The following FBXO36 variants were observed in gnomAD, a reference collection of about 807,000 sequenced individuals.
FBXO36 encodes F-box only protein 36.
In FBXO36, 18 loss-of-function variants were observed where a neutral mutation model predicts 17.0. The observed-to-expected ratio is 1.06, with a 90% CI of 0.73 to 1.57. The LOEUF is 1.57. FBXO36 is among the 40% of genes most tolerant of loss of function. The probability of loss-of-function intolerance (pLI) is 0.00; values close to 1 mark genes in which losing one functional copy is unlikely to be tolerated. For synonymous variants in FBXO36, 83 were observed against 85.3 expected (o/e 0.97, Z 0.15); for missense variants, 229 against 221.9 (o/e 1.03, Z -0.20).
At chr2:229,977,763 A>T (rs1294658883) in intron 2 of FBXO36, among the ~76,000 whole-genome samples, 4 of 152,008 alleles carry the variant, frequency 2.6e-5, no homozygotes, top group African/African-American at 9.7e-5. Flanking sequence ...ATGGTTTTTA[A>T]CTAACTCCCA....
At chr2:229,987,008 C>T (rs552779749) in intron 2 of FBXO36, among the ~76,000 whole-genome samples, 1 of 151,628 alleles carries the variant, frequency 6.6e-6, no homozygotes. Context: ...CATTTGAGGT[C>T]AGGAGTTCAA....
intron 1 of FBXO36, chr2:229,944,961 G>T (rs1252631634): frequency 6.6e-6 from 1 of 152,112 alleles, no homozygotes; most frequent in Admixed American, 6.6e-5. Flanking sequence ...TAAACTTTAA[G>T]GATTTAGGGA....
chr2:229,999,660 G>A (rs2077347896), intron 3 of FBXO36, among the ~76,000 whole-genome samples: 1 of 151,646 alleles, frequency 6.6e-6, no homozygotes, highest in Non-Finnish European at 1.5e-5. Flanking sequence ...TTACAGGTGT[G>A]AGCCACCTTC....
intron 1 of FBXO36, among the ~76,000 whole-genome samples, chr2:229,972,094 A>T (rs1039667076): frequency 6.6e-6 from 1 of 151,148 alleles, no homozygotes; most frequent in Non-Finnish European, 1.5e-5. Flanking sequence ...CCTGGGTTCA[A>T]GTGATTCTCC....
chr2:229,996,794 C>T lies in FBXO36; in HGVS notation c.249C>T (p.Val83=), dbSNP rs1316576174. 3 of 1,613,316 alleles carry T rather than the reference C, an allele frequency of 1.9e-6. No homozygotes were observed. Among genetic ancestry groups the T allele is most frequent in the South Asian group, 1.1e-5 (1 of 90,910 alleles). Residue 83 remains valine, a synonymous_variant, in exon 3 of 4, where the codon GTC becomes GTT. Transcript: ENST00000283946. ...LIFGARILDY[V]INLCKGKFDF... Reference sequence around the variant, plus strand: ...TTGGTGCAAGAATATTAGACTATGTCATCAATTTGTGCAAAGGTAAATTTG... The same window carrying T: ...TTGGTGCAAGAATATTAGACTATGTTATCAATTTGTGCAAAGGTAAATTTG...
At chr2:229,976,401 G>T in intron 2 of FBXO36, 52 bp downstream of exon 2, 1 of 1,240,040 alleles carries the variant, frequency 8.1e-7, no homozygotes, top group Non-Finnish European at 1.2e-6. Context: ...TTAGTTAGTG[G>T]TAGATTTTGT....
At chr2:229,968,493 G>A (rs1379078734) in intron 1 of FBXO36, among the ~76,000 whole-genome samples, 2 of 151,914 alleles carry the variant, frequency 1.3e-5, no homozygotes, top group South Asian at 4.1e-4. Context: ...GTTGAGACAG[G>A]GTCTTGCTTT....
chr2:229,970,834 A>G (rs1178886806), intron 1 of FBXO36, among the ~76,000 whole-genome samples: 1 of 152,216 alleles, frequency 6.6e-6, no homozygotes, highest in African/African-American at 2.4e-5. Context: ...TTATAAAATG[A>G]GTTAATTAGT....
At chr2:229,956,331 G>A (rs550105801) in intron 1 of FBXO36, among the ~76,000 whole-genome samples, 1 of 152,232 alleles carries the variant, frequency 6.6e-6, no homozygotes, top group Non-Finnish European at 1.5e-5. Flanking sequence ...CACATTGTCG[G>A]GGCAAAGGGA....
At chr2:229,974,935 T>C (rs2077199633) in intron 1 of FBXO36, among the ~76,000 whole-genome samples, 1 of 152,192 alleles carries the variant, frequency 6.6e-6, no homozygotes, top group African/African-American at 2.4e-5. Flanking sequence ...TTTCTCCTCC[T>C]AGCCTTCATC....
chr2:229,967,847 T>C (rs1054474055), intron 1 of FBXO36, among the ~76,000 whole-genome samples: 8 of 152,174 alleles, frequency 5.3e-5, no homozygotes, highest in Admixed American at 1.3e-4. Context: ...TCTTTTTTTG[T>C]TGTGTCTCTG....
intron 3 of FBXO36, among the ~76,000 whole-genome samples, chr2:230,007,608 CT>C (rs60580728): frequency 3.3e-4 from 48 of 146,160 alleles, no homozygotes; most frequent in Admixed American, 2.7e-4. Flanking sequence ...CAACAATTTT[CT>C]TTTTTTTTTT....
intron 1 of FBXO36, among the ~76,000 whole-genome samples, chr2:229,960,832 G>A (rs942866092): frequency 3.3e-5 from 5 of 152,112 alleles, no homozygotes; most frequent in Non-Finnish European, 1.5e-5. Flanking sequence ...TTTTAGGCTG[G>A]GCGCAGTGGC....
chr2:229,990,809 T>A (rs1160243885), intron 2 of FBXO36, among the ~76,000 whole-genome samples: 1 of 152,238 alleles, frequency 6.6e-6, no homozygotes. Flanking sequence ...TGGTATATAA[T>A]TCTTTGAGAG....
At chr2:230,006,840 GAC>G (rs935250907) in intron 3 of FBXO36, among the ~76,000 whole-genome samples, 4 of 152,232 alleles carry the variant, frequency 2.6e-5, no homozygotes, top group Non-Finnish European at 4.4e-5. Flanking sequence ...GAAGCATAAA[GAC>G]ACATTCCCAA....
chr2:230,009,009 C>T (rs2077401351), intron 3 of FBXO36, among the ~76,000 whole-genome samples: 1 of 152,166 alleles, frequency 6.6e-6, no homozygotes, highest in Non-Finnish European at 1.5e-5. Context: ...CCTTATTGTA[C>T]TATTCATTTC....
At chr2:229,987,547 C>T (rs1367101381) in intron 2 of FBXO36, among the ~76,000 whole-genome samples, 3 of 152,052 alleles carry the variant, frequency 2.0e-5, no homozygotes, top group Non-Finnish European at 4.4e-5. Flanking sequence ...TATTTCCTTT[C>T]TACTACTTTC....
At chr2:229,982,953 G>T (rs1253708485) in intron 2 of FBXO36, among the ~76,000 whole-genome samples, 2 of 151,992 alleles carry the variant, frequency 1.3e-5, no homozygotes, top group South Asian at 4.2e-4. Flanking sequence ...AATCAAAAAC[G>T]TTGCTGAATT....
chr2:229,974,211 TAAA>T (rs1172620074), intron 1 of FBXO36, among the ~76,000 whole-genome samples: 1 of 151,890 alleles, frequency 6.6e-6, no homozygotes, highest in Admixed American at 6.6e-5. Flanking sequence ...AGGTTATACA[TAAA>T]AAAAAGCATC....
Sources: allele counts gnomAD v4.1 joint callset (sites outside exome capture counted in the v4.1 genomes callset), GRCh38; gene constraint gnomAD v4.1.1; transcripts MANE v1.5; gene names NCBI Gene and HGNC (gene_info 2026-07-23, HGNC 2026-07-21).